BRAF: variants seen among roughly 807,000 people sequenced by gnomAD.
BRAF encodes the protein serine/threonine-protein kinase B-raf.
A neutral mutation model predicts 104.6 loss-of-function variants in BRAF; 16 were observed. The ratio of observed to expected loss-of-function variants is 0.15; its 90% CI spans 0.10 to 0.23. The LOEUF is 0.23. Among genes scored for constraint, BRAF ranks in the 10% least tolerant of loss-of-function variants. The pLI, the probability that BRAF is intolerant of heterozygous loss-of-function variation, is 1.00. For synonymous variants in BRAF, 310 were observed against 341.6 expected (o/e 0.91, Z 1.02); for missense variants, 541 against 937.3 (o/e 0.58, Z 5.52).
chr7:140,924,794 G>A lies in BRAF; in HGVS notation c.-91C>T. 2.1e-6 allele frequency: 1 copy of A among 479,110 alleles called. No individual in the cohort carries two copies. The highest frequency in any genetic ancestry group is 3.6e-6 in the Non-Finnish European group (1 of 276,346). The allele number at this position is 479,110 out of a possible 1,614,324, so 29.7% of individuals were successfully genotyped here. A position where few individuals can be genotyped will look rare whatever the true frequency, so the allele number is the denominator to read the frequency against. ...GCTGGGGGAGGCGGAGGCGGAGGCG[G>A]AGGCGGAGGAGCGGGGGGCGCGGGG... On this transcript the variant is annotated 5_prime_UTR_variant, in exon 1 of 20. Transcript: ENST00000644969. This position sits in a 1 kb window ranked among gnomAD's most constrained non-coding sequence, Gnocchi z 4.2.
At chr7:140,881,545 T>C (rs1170889464) in intron 1 of BRAF, among the ~76,000 whole-genome samples, 1 of 152,132 alleles carries the variant, frequency 6.6e-6, no homozygotes, top group Non-Finnish European at 1.5e-5. Context: ...CATGAGCCTG[T>C]TTTGCTTTCT....
chr7:140,782,982 G>A, intron 11 of BRAF, 39 bp downstream of exon 10: 1 of 1,608,034 alleles, frequency 6.2e-7, no homozygotes, highest in Non-Finnish European at 8.5e-7. Flanking sequence ...CTTCTAAGAA[G>A]AAAGAATTCA....
intron 7 of BRAF, chr7:140,800,098 C>T (rs963087107): frequency 6.8e-5 from 34 of 499,830 alleles, no homozygotes; most frequent in Non-Finnish European, 2.2e-5. Context: ...GAAAGCAGTT[C>T]AAGAAGCATG....
chr7:140,763,818 C>CAA, intron 14 of BRAF, among the ~76,000 whole-genome samples: 1 of 152,264 alleles, frequency 6.6e-6, no homozygotes, highest in East Asian at 1.9e-4. Context: ...GCTTACCAAC[C>CAA]AAAAAGAGTC....
Position 140,720,753 on chromosome 7 carries a change from A to C in BRAF, c.*5741T>G. 1 of 1,066,028 alleles carries C rather than the reference A, an allele frequency of 9.4e-7. No homozygotes were observed. The highest frequency in any genetic ancestry group is 1.1e-6 in the Non-Finnish European group (1 of 879,740). The allele number at this position is 1,066,028 out of a possible 1,614,324, so 66.0% of individuals were successfully genotyped here. A position where few individuals can be genotyped will look rare whatever the true frequency, so the allele number is the denominator to read the frequency against. ...GCTAGTTTGCAGTGACTTCCAACTC[A>C]TACTCCACCAAAACACACGTGGGTT... On this transcript the variant is annotated 3_prime_UTR_variant, in exon 20 of 20. Coordinates refer to ENST00000644969, the MANE Select transcript of BRAF (RefSeq NM_001374258.1).
At position 140,723,672 on chromosome 7, in the gene BRAF, T is replaced by C. The variant is rs778971529; in HGVS notation, c.*2822A>G. On this transcript the variant is annotated 3_prime_UTR_variant, in exon 20 of 20. Coordinates refer to ENST00000644969, the MANE Select transcript of BRAF (RefSeq NM_001374258.1). ...CACAGTTACAAACAATCCTCTGTAG[T>C]TGCTCTCAAATTTTTCAGAAGGCTT... 1.0e-4 allele frequency: 110 copies of C among 1,050,946 alleles called. No homozygotes were observed. The highest frequency in any genetic ancestry group is 1.2e-4 in the Non-Finnish European group (106 of 870,408). 65.1% of individuals were successfully genotyped at this position (1,050,946 alleles called of 1,614,324 possible). A position where few individuals can be genotyped will look rare whatever the true frequency, so the allele number is the denominator to read the frequency against.
At chr7:140,792,561 C>A (rs1055653899) in intron 8 of BRAF, among the ~76,000 whole-genome samples, 2 of 152,164 alleles carry the variant, frequency 1.3e-5, no homozygotes, top group Non-Finnish European at 2.9e-5. Flanking sequence ...GTAGTGTACT[C>A]CTACTTATTC....
intron 2 of BRAF, among the ~76,000 whole-genome samples, chr7:140,847,675 T>G (rs1473148911): frequency 1.3e-5 from 2 of 152,216 alleles, no homozygotes; most frequent in Non-Finnish European, 2.9e-5. Context: ...AATATTTGAA[T>G]CAGGAACTAT....
At position 140,834,534 on chromosome 7, in the gene BRAF, A is replaced by G. The variant is rs1243556812; in HGVS notation, c.504+75T>C. 3 of 1,564,400 alleles carry G rather than the reference A, an allele frequency of 1.9e-6. No individual in the cohort carries two copies. In the East Asian group the frequency reaches 6.7e-5, roughly 35 times the overall value. On this transcript the variant is annotated intron_variant, in intron 3 of 19. Transcript: ENST00000644969. ...TGACCTCTGAGTATGAAGTAATAATATATTAATTTTCAACAACTGATCTGT... is the reference window on the plus strand; with the variant it reads ...TGACCTCTGAGTATGAAGTAATAATGTATTAATTTTCAACAACTGATCTGT...
At chr7:140,794,571 A>T in intron 7 of BRAF, 104 bp from the exon 8 acceptor site, 1 of 1,339,426 alleles carries the variant, frequency 7.5e-7, no homozygotes. Flanking sequence ...TATATTCTCA[A>T]AATCATTAAA....
intron 3 of BRAF, among the ~76,000 whole-genome samples, chr7:140,821,225 C>T (rs1435949701): frequency 6.6e-6 from 1 of 151,844 alleles, no homozygotes; most frequent in Non-Finnish European, 1.5e-5. Flanking sequence ...CTCAAGCAAT[C>T]CTTCTGCCTT....
At chr7:140,716,848 A>G (rs1795139245), downstream of BRAF, among the ~76,000 whole-genome samples, 1 of 152,238 alleles carries the variant, frequency 6.6e-6, no homozygotes, top group Non-Finnish European at 1.5e-5. Context: ...TCTTGGTTCC[A>G]ATTGCCCCTA....
At chr7:140,884,345 T>A (rs1178788597) in intron 1 of BRAF, among the ~76,000 whole-genome samples, 2 of 151,658 alleles carry the variant, frequency 1.3e-5, no homozygotes, top group East Asian at 1.9e-4. Flanking sequence ...ATCTTTTACT[T>A]CTCCAGAAGC....
intron 14 of BRAF, among the ~76,000 whole-genome samples, chr7:140,760,819 C>T (rs200055072): frequency 1.1e-4 from 16 of 151,404 alleles, no homozygotes; most frequent in South Asian, 2.1e-4. Context: ...TGAAATGAAG[C>T]GAGAAGGGAA....
At chr7:140,880,841 A>C (rs533976225) in intron 1 of BRAF, among the ~76,000 whole-genome samples, 2 of 151,748 alleles carry the variant, frequency 1.3e-5, no homozygotes, top group African/African-American at 4.8e-5. Flanking sequence ...ATGGTGGTGC[A>C]TGCCTGTAGT....
chr7:140,873,666 T>C (rs1428498862), intron 1 of BRAF, among the ~76,000 whole-genome samples: 2 of 152,138 alleles, frequency 1.3e-5, no homozygotes, highest in African/African-American at 2.4e-5. Context: ...CTCCACTAGT[T>C]GAACGGACAC....
chr7:140,890,253 T>C (rs1814071579), intron 1 of BRAF, among the ~76,000 whole-genome samples: 1 of 152,248 alleles, frequency 6.6e-6, no homozygotes, highest in Non-Finnish European at 1.5e-5. Context: ...TCCAGTTCAT[T>C]ATTTTTAATC....
chr7:140,897,769 G>C (rs1815125100), intron 1 of BRAF, among the ~76,000 whole-genome samples: 1 of 151,622 alleles, frequency 6.6e-6, no homozygotes, highest in Non-Finnish European at 1.5e-5. Context: ...CAAAGTGCTG[G>C]GATGACAGGT....
chr7:140,728,475 A>G (rs1376164760), intron 19 of BRAF, among the ~76,000 whole-genome samples: 1 of 152,206 alleles, frequency 6.6e-6, no homozygotes, highest in African/African-American at 2.4e-5. Context: ...TTGTGAGTCC[A>G]AAGATCAAGA....
Sources: gnomAD v4.1 joint callset for allele counts (sites outside exome capture counted in the v4.1 genomes callset) on GRCh38, gnomAD v4.1.1 for gene constraint, Gnocchi (gnomAD v3.1) non-coding constraint, MANE v1.5 for transcripts, NCBI Gene and HGNC (gene_info 2026-07-23, HGNC 2026-07-21) for gene names.